The following SLC6A3 variants were observed in gnomAD, a reference collection of about 807,000 sequenced individuals.
SLC6A3 encodes solute carrier family 6 member 3.
SLC6A3 carries 19 observed loss-of-function variants against 70.4 expected under a neutral mutation model. The ratio of observed to expected loss-of-function variants is 0.27; its 90% CI spans 0.19 to 0.40. The LOEUF is 0.40. SLC6A3 is among the 10% of genes least tolerant of loss of function. The pLI, the probability that SLC6A3 is intolerant of heterozygous loss-of-function variation, is 1.00. For missense variants in SLC6A3, 613 were observed against 838.5 expected (o/e 0.73, Z 3.32); for synonymous variants, 368 against 356.6 (o/e 1.03, Z -0.36).
In SLC6A3 at chr5:1,406,248, C is replaced by A; in HGVS notation, c.1539G>T (p.Gly513=). 6.2e-7 allele frequency: 1 copy of A among 1,613,024 alleles called. No homozygotes were observed. Among genetic ancestry groups the A allele is most frequent in the Non-Finnish European group, 8.5e-7 (1 of 1,180,000 alleles). ...QFSDDIQQMT[G]QRPSLYWRLC... is the part of the protein sequence containing the mutation. The stretch of plus-strand genomic sequence containing the variant: ...GCCGCCAGTACAGGCTGGGCCGCTG[C>A]CCGGTCATCTGCTGGATGTCGTCGC... Residue 513 remains glycine, a synonymous_variant, in exon 12 of 15, where the codon GGG becomes GGT. Coordinates refer to ENST00000270349, the MANE Select transcript of SLC6A3 (RefSeq NM_001044.5). The surrounding 1 kb of genome is among the most constrained non-coding windows in gnomAD (Gnocchi z 8.8).
rs963590662 is a variant in SLC6A3, at chr5:1,404,431, C to T, written c.1600-1342G>A. On this transcript the variant is annotated intron_variant, in intron 12 of 14. Coordinates refer to ENST00000270349, the MANE Select transcript of SLC6A3 (RefSeq NM_001044.5). This position sits in a 1 kb window ranked among gnomAD's most constrained non-coding sequence, Gnocchi z 5.2. ...GACATGGAGGTATTGCTGTAATGTG[C>T]TCTCTGTTATTGTTCAACTTCTTGC... Among the ~76,000 whole-genome samples the T allele has an allele frequency of 6.6e-6, 1 of 152,348 alleles. No individual in the cohort carries two copies. The highest frequency in any genetic ancestry group is 6.5e-5 in the Admixed American group (1 of 15,304).
At chr5:1,444,848 G>T (rs1254218245) in intron 1 of SLC6A3, among the ~76,000 whole-genome samples, 4 of 152,242 alleles carry the variant, frequency 2.6e-5, no homozygotes, top group African/African-American at 9.6e-5. Context: ...GCGCTGCCTG[G>T]CGAGTCCTCG....
At position 1,397,175 on chromosome 5, in the gene SLC6A3, G is replaced by A. The variant is rs531636898; in HGVS notation, c.1840-2417C>T. On this transcript the variant is annotated intron_variant, in intron 14 of 14. Coordinates refer to ENST00000270349, the MANE Select transcript of SLC6A3 (RefSeq NM_001044.5). This position sits in a 1 kb window ranked among gnomAD's most constrained non-coding sequence, Gnocchi z 4.7. ...GCCTCATAATGGAAAACACAGAAAG[G>A]CAGAAGGCAATCTTTCAGTGTGTGG... Among the ~76,000 whole-genome samples, 1 of 152,290 alleles carries A rather than the reference G, an allele frequency of 6.6e-6. No individual in the cohort carries two copies. The highest frequency in any genetic ancestry group is 2.1e-4 in the South Asian group (1 of 4,826).
Position 1,409,745 on chromosome 5 carries a change from G to A in SLC6A3, c.1374C>T (p.Leu458=), listed in dbSNP as rs115293948. The A allele has an allele frequency of 4.3e-6, 7 of 1,613,474 alleles. No individual in the cohort carries two copies. Among genetic ancestry groups the A allele is most frequent in the African/African-American group, 1.3e-5 (1 of 75,076 alleles). The change falls in exon 10 of 15, where the codon CTC becomes CTT. Residue 458 remains leucine (L), a synonymous_variant. Transcript: ENST00000270349. ...CGTTGGTGACGCAGAACAGGGACAG[G>A]AGGAAGGTCGCCAGGACGATGAAGA... ...FTLFIVLATF[L]LSLFCVTNGG...
Position 1,396,558 on chromosome 5 carries a change from G to T in SLC6A3, c.1840-1800C>A, listed in dbSNP as rs1579696588. On this transcript the variant is annotated intron_variant, in intron 14 of 14. Coordinates refer to ENST00000270349, the MANE Select transcript of SLC6A3 (RefSeq NM_001044.5). The surrounding 1 kb of genome is among the most constrained non-coding windows in gnomAD (Gnocchi z 7.0). ...GTGGCTGCAGTTTGCAGGCCAGAGCGCCAGAGAGGAGGTGGCCACACAGAG... is the reference window on the plus strand; with the variant it reads ...GTGGCTGCAGTTTGCAGGCCAGAGCTCCAGAGAGGAGGTGGCCACACAGAG... Among the ~76,000 whole-genome samples, 1 of 152,348 alleles carries T rather than the reference G, an allele frequency of 6.6e-6. No homozygotes were observed. The highest frequency in any genetic ancestry group is 1.9e-4 in the East Asian group (1 of 5,184).
chr5:1,410,116 G>C (rs556071475), intron 9 of SLC6A3, among the ~76,000 whole-genome samples: 2 of 152,328 alleles, frequency 1.3e-5, no homozygotes, highest in East Asian at 3.9e-4. Context: ...CTCTGGGTGG[G>C]TAAGATGCGG....
chr5:1,408,070 G>A lies in SLC6A3; in HGVS notation c.1498+956C>T, dbSNP rs994278590. 4.0e-5 allele frequency among the ~76,000 whole-genome samples: 6 copies of A among 151,870 alleles called. No individual in the cohort carries two copies. Among genetic ancestry groups the A allele is most frequent in the East Asian group, 1.9e-4 (1 of 5,180 alleles). On this transcript the variant is annotated intron_variant, in intron 11 of 14. Coordinates refer to ENST00000270349, the MANE Select transcript of SLC6A3 (RefSeq NM_001044.5). The surrounding 1 kb of genome is among the most constrained non-coding windows in gnomAD (Gnocchi z 6.4). ...GGCTGGAGTGCAGTGGTGCAATCTC[G>A]GGTGACTGCAACCTCCGCCTTCCGG...
chr5:1,417,102 C>T (rs150559644), intron 6 of SLC6A3, among the ~76,000 whole-genome samples: 75 of 152,002 alleles, frequency 4.9e-4, no homozygotes, highest in African/African-American at 1.8e-3. Flanking sequence ...TCCCCCCATC[C>T]CATGTGCGCC....
At position 1,394,593 on chromosome 5, in the gene SLC6A3, T is replaced by G. The variant is rs2111327482; in HGVS notation, c.*142A>C. Reference sequence around the variant, plus strand: ...GGTGTAAACAGTCAGAAGAGAGGAGTCTTCTGCTTTGTTGTTTGTGTTTTC... The same window carrying G: ...GGTGTAAACAGTCAGAAGAGAGGAGGCTTCTGCTTTGTTGTTTGTGTTTTC... On this transcript the variant is annotated 3_prime_UTR_variant, in exon 15 of 15. Transcript: ENST00000270349. The surrounding 1 kb of genome is among the most constrained non-coding windows in gnomAD (Gnocchi z 4.7). 1 of 840,560 alleles carries G rather than the reference T, an allele frequency of 1.2e-6. No homozygotes were observed. The highest frequency in any genetic ancestry group is 1.4e-5 in the South Asian group (1 of 73,854). 52.1% of individuals were successfully genotyped at this position (840,560 alleles called of 1,614,324 possible). A position where few individuals can be genotyped will look rare whatever the true frequency, so the allele number is the denominator to read the frequency against.
chr5:1,431,699 G>A (rs1420806310), intron 4 of SLC6A3, among the ~76,000 whole-genome samples: 3 of 151,620 alleles, frequency 2.0e-5, no homozygotes, highest in African/African-American at 7.3e-5. Context: ...TTTGTGCCTG[G>A]CTGGGGTGGA....
chr5:1,409,973 G>A (rs1756076970), intron 9 of SLC6A3, 124 bp from the exon 10 acceptor site: 2 of 1,231,222 alleles, frequency 1.6e-6, no homozygotes, highest in South Asian at 2.5e-5. Flanking sequence ...GGGCCACATG[G>A]CCGTCCAGGG....
In SLC6A3 at chr5:1,396,287, T is replaced by C. The variant is rs113090402; in HGVS notation, c.1840-1529A>G. On this transcript the variant is annotated intron_variant, in intron 14 of 14. Coordinates refer to ENST00000270349, the MANE Select transcript of SLC6A3 (RefSeq NM_001044.5). This position sits in a 1 kb window ranked among gnomAD's most constrained non-coding sequence, Gnocchi z 7.0. ...AACATTTCTGACCTAGATGGAATAA[T>C]AGGGATCGAATTTACCCTACTGTCC... Among the ~76,000 whole-genome samples, 878 of 152,220 alleles carry C rather than the reference T, an allele frequency of 5.8e-3. 10 individuals are homozygous for C. The highest frequency in any genetic ancestry group is 0.015 in the South Asian group (73 of 4,828).
intron 8 of SLC6A3, 105 bp downstream of exon 8, chr5:1,414,586 C>G (rs887750862): frequency 3.0e-6 from 4 of 1,354,336 alleles, no homozygotes; most frequent in East Asian, 5.1e-5. Flanking sequence ...TGAAGTCGCT[C>G]AGGGCCCATG....
At chr5:1,416,705 C>T (rs1258612957) in intron 6 of SLC6A3, 1 of 261,564 alleles carries the variant, frequency 3.8e-6, no homozygotes, top group Non-Finnish European at 7.5e-6. Flanking sequence ...GGCATGACCG[C>T]AGCGTCCTAA....
At chr5:1,425,107 G>A (rs1212488840) in intron 4 of SLC6A3, among the ~76,000 whole-genome samples, 1 of 152,214 alleles carries the variant, frequency 6.6e-6, no homozygotes, top group African/African-American at 2.4e-5. Context: ...TTCACCAGGC[G>A]TGGAAAAGAC....
intron 6 of SLC6A3, chr5:1,416,407 A>G (rs928158613): frequency 3.2e-6 from 2 of 618,626 alleles, no homozygotes; most frequent in Non-Finnish European, 5.8e-6. Flanking sequence ...AGAGCCTGAG[A>G]AGCAGGGGGC....
chr5:1,418,431 C>A (rs1560915763), intron 6 of SLC6A3, among the ~76,000 whole-genome samples: 1 of 152,182 alleles, frequency 6.6e-6, no homozygotes, highest in African/African-American at 2.4e-5. Context: ...CTATCACTGT[C>A]ATCTATCAAT....
intron 4 of SLC6A3, 28 bp downstream of exon 4, chr5:1,432,436 C>G (rs8179025): frequency 3.8e-6 from 6 of 1,562,440 alleles, no homozygotes; most frequent in East Asian, 2.2e-5. Flanking sequence ...CCATCTCTCC[C>G]GTTCCCGAGG....
Position 1,408,997 on chromosome 5 carries a change from C to A in SLC6A3, c.1498+29G>T, listed in dbSNP as rs758289905. On this transcript the variant is annotated intron_variant, in intron 11 of 14. Coordinates refer to ENST00000270349, the MANE Select transcript of SLC6A3 (RefSeq NM_001044.5). This position sits in a 1 kb window ranked among gnomAD's most constrained non-coding sequence, Gnocchi z 6.4. ...GGCACAGCCACCAAACAAGAGGGTG[C>A]CGGCTTGGCTGCCTTCCCCCGGACT... 4.7e-6 allele frequency: 7 copies of A among 1,500,012 alleles called. No homozygotes were observed. In the Admixed American group the frequency reaches 5.0e-5, roughly 11 times the overall value. 92.9% of individuals were successfully genotyped at this position (1,500,012 alleles called of 1,614,324 possible).
Sources: allele counts gnomAD v4.1 joint callset (sites outside exome capture counted in the v4.1 genomes callset), GRCh38; gene constraint gnomAD v4.1.1; non-coding constraint Gnocchi (gnomAD v3.1); transcripts MANE v1.5; gene names NCBI Gene and HGNC (gene_info 2026-07-23, HGNC 2026-07-21).